Variants in COG6 observed in about 807,000 individuals in gnomAD.
The protein encoded by COG6 is conserved oligomeric Golgi complex subunit 6.
COG6 carries 74 observed loss-of-function variants against 88.8 expected under a neutral mutation model. The observed-to-expected ratio is 0.83, with a 90% CI of 0.69 to 1.01. The LOEUF (loss-of-function observed/expected upper bound fraction) is 1.01, where lower values mean the gene tolerates loss of function less well. COG6 is among the 50% of genes least tolerant of loss of function. The pLI is 0.00. For missense variants in COG6, 800 were observed against 797.9 expected, an observed-to-expected ratio of 1.00 and a Z score of -0.03; for synonymous variants, 286 against 278.7, an observed-to-expected ratio of 1.03 and a Z score of -0.26.
At chr13:39,698,712 T>C (rs1265332191) in intron 12 of COG6, among the ~76,000 whole-genome samples, 11 of 151,924 alleles carry the variant, frequency 7.2e-5, no homozygotes, top group Non-Finnish European at 1.5e-4. Flanking sequence ...GATGTTGTTA[T>C]GCCTTTAGAA....
At chr13:39,717,378 C>T (rs368030054) in intron 13 of COG6, among the ~76,000 whole-genome samples, 1 of 151,998 alleles carries the variant, frequency 6.6e-6, no homozygotes, top group Non-Finnish European at 1.5e-5. Context: ...GGTAATCTTT[C>T]TGTCATTGTT....
chr13:39,760,901 T>G (rs944735939), intron 18 of COG6, among the ~76,000 whole-genome samples: 1 of 151,974 alleles, frequency 6.6e-6, no homozygotes, highest in Admixed American at 6.6e-5. Flanking sequence ...ATGCCATTAT[T>G]ATAACTTTAT....
chr13:39,719,575 C>A, intron 14 of COG6, 85 bp from the exon 15 acceptor site: 1 of 1,363,974 alleles, frequency 7.3e-7, no homozygotes, highest in African/African-American at 1.4e-5. Context: ...GGCTTCCTTC[C>A]AATTAGTTTG....
downstream of COG6, among the ~76,000 whole-genome samples, chr13:39,754,790 A>T (rs753671364): frequency 6.6e-6 from 1 of 152,338 alleles, no homozygotes; most frequent in Admixed American, 6.5e-5. Flanking sequence ...GTCTTGCACA[A>T]TGATAGTTAC....
intron 18 of COG6, among the ~76,000 whole-genome samples, chr13:39,785,136 G>C (rs538512054): frequency 8.5e-5 from 13 of 152,192 alleles, no homozygotes; most frequent in Non-Finnish European, 1.6e-4. Flanking sequence ...TTGGAAGAAG[G>C]ATACTTGCTT....
At chr13:39,704,960 C>T (rs1053588266) in intron 13 of COG6, among the ~76,000 whole-genome samples, 1 of 152,134 alleles carries the variant, frequency 6.6e-6, no homozygotes, top group African/African-American at 2.4e-5. Flanking sequence ...TCATATGTTG[C>T]TTGTATCTAC....
intron 2 of COG6, among the ~76,000 whole-genome samples, chr13:39,659,853 A>G (rs1874785927): frequency 6.6e-6 from 1 of 152,206 alleles, no homozygotes; most frequent in South Asian, 2.1e-4. Flanking sequence ...CAACTTCTCT[A>G]CTGGAGATTA....
intron 1 of COG6, chr13:39,656,231 A>G (rs1874484961): frequency 4.0e-6 from 2 of 495,092 alleles, no homozygotes; most frequent in Non-Finnish European, 7.9e-6. Context: ...GGAGAGCACA[A>G]GACTGGATAT....
intron 18 of COG6, among the ~76,000 whole-genome samples, chr13:39,783,107 T>C (rs942506564): frequency 2.6e-5 from 4 of 152,226 alleles, no homozygotes; most frequent in African/African-American, 9.6e-5. Flanking sequence ...TACTTCATTA[T>C]AGAAGAATGT....
At chr13:39,690,142 A>C (rs992450455) in intron 11 of COG6, among the ~76,000 whole-genome samples, 1 of 152,024 alleles carries the variant, frequency 6.6e-6, no homozygotes, top group South Asian at 2.1e-4. Context: ...CTTAACAGAG[A>C]GATTTACTAA....
chr13:39,679,383 C>G (rs187903595), intron 5 of COG6, 155 bp from the exon 6 acceptor site: 10 of 642,940 alleles, frequency 1.6e-5, no homozygotes, highest in Non-Finnish European at 2.5e-5. Flanking sequence ...CCAGTTACAC[C>G]GTCTATGAAA....
intron 13 of COG6, among the ~76,000 whole-genome samples, chr13:39,712,373 G>A (rs150775000): frequency 4.4e-4 from 66 of 151,346 alleles, no homozygotes; most frequent in African/African-American, 1.5e-3. Flanking sequence ...CATGTCTGTT[G>A]TCCAGAGGCT....
intron 17 of COG6, among the ~76,000 whole-genome samples, chr13:39,726,339 A>G (rs1434590449): frequency 2.6e-5 from 4 of 152,000 alleles, no homozygotes; most frequent in Non-Finnish European, 5.9e-5. Flanking sequence ...ATGAAAACAG[A>G]TATGATCTAG....
At chr13:39,730,553 A>G (rs1391964265) in intron 18 of COG6, among the ~76,000 whole-genome samples, 1 of 151,812 alleles carries the variant, frequency 6.6e-6, no homozygotes, top group Non-Finnish European at 1.5e-5. Context: ...AGGCAGGCAG[A>G]TCATGAGGTC....
At chr13:39,759,600 A>G (rs776416449) in intron 18 of COG6, among the ~76,000 whole-genome samples, 13 of 152,120 alleles carry the variant, frequency 8.5e-5, no homozygotes, top group Non-Finnish European at 1.6e-4. Flanking sequence ...ATCATCTTGA[A>G]TTTGCATACT....
intron 7 of COG6, 122 bp downstream of exon 7, chr13:39,680,167 A>T (rs1876224774): frequency 1.6e-6 from 1 of 637,408 alleles, no homozygotes; most frequent in African/African-American, 1.8e-5. Flanking sequence ...AAAAATAAAA[A>T]TAGTATTTGT....
intron 18 of COG6, among the ~76,000 whole-genome samples, chr13:39,731,455 T>G (rs1260090523): frequency 2.0e-5 from 3 of 152,236 alleles, no homozygotes; most frequent in African/African-American, 7.2e-5. Flanking sequence ...ATGCAAAATC[T>G]CCAATATTCA....
chr13:39,730,107 T>C (rs1879352727), intron 18 of COG6, among the ~76,000 whole-genome samples: 1 of 152,166 alleles, frequency 6.6e-6, no homozygotes, highest in African/African-American at 2.4e-5. Flanking sequence ...ATCAGACAAA[T>C]GAACAAGTTT....
intron 4 of COG6, among the ~76,000 whole-genome samples, chr13:39,672,289 G>A (rs145132342): frequency 1.7e-3 from 264 of 152,024 alleles, no homozygotes; most frequent in African/African-American, 6.1e-3. Context: ...TCTTTGTTGA[G>A]ATATAATTCA....
Sources: gnomAD v4.1 joint callset for allele counts (sites outside exome capture counted in the v4.1 genomes callset) on GRCh38, gnomAD v4.1.1 for gene constraint, MANE v1.5 for transcripts, NCBI Gene and HGNC (gene_info 2026-07-23, HGNC 2026-07-21) for gene names.